Variants in NECTIN1 observed in about 807,000 individuals in gnomAD.
The protein encoded by NECTIN1 is nectin-1.
A neutral mutation model predicts 48.0 loss-of-function variants in NECTIN1; 23 were observed. That is an observed-to-expected ratio of 0.48 (90% confidence interval 0.34 to 0.68). The LOEUF is 0.68. NECTIN1 is among the 30% of genes least tolerant of loss of function. The pLI is 0.01. For synonymous variants in NECTIN1, 270 were observed against 288.9 expected (o/e 0.93, Z 0.66); for missense variants, 591 against 709.9 (o/e 0.83, Z 1.90).
rs1565376422 is a variant in NECTIN1 at position 119,648,280 on chromosome 11, G to GTGA, written c.1004-8269_1004-8268insTCA. ...GGTGGTAATAGTGGTGGTGGTGATG[G>GTGA]TGGTGGTGATGGTGGTGGTGGTGGT... is the stretch of plus-strand genomic sequence containing the variant. On this transcript the variant is annotated intron_variant, in intron 5 of 7. Transcript: ENST00000341398. Among the ~76,000 whole-genome samples, 30 of 43,758 alleles carry GTGA rather than the reference G, an allele frequency of 6.9e-4. 1 individual carries two copies. Among genetic ancestry groups the GTGA allele is most frequent in the African/African-American group, 2.6e-3 (29 of 10,962 alleles). 28.7% of individuals were successfully genotyped at this position (43,758 alleles called of 152,430 possible).
chr11:119,667,944 A>G (rs964604440), intron 5 of NECTIN1, among the ~76,000 whole-genome samples: 2 of 152,198 alleles, frequency 1.3e-5, no homozygotes, highest in African/African-American at 4.8e-5. Context: ...GGGGGTCGAG[A>G]TGTTGGCTTA....
At chr11:119,711,604 GA>G (rs1865647643) in intron 1 of NECTIN1, among the ~76,000 whole-genome samples, 1 of 152,068 alleles carries the variant, frequency 6.6e-6, no homozygotes, top group Non-Finnish European at 1.5e-5. Flanking sequence ...AAACAACACA[GA>G]AGGGGAAGGG....
intron 1 of NECTIN1, among the ~76,000 whole-genome samples, chr11:119,693,943 C>A (rs1473162753): frequency 2.0e-5 from 3 of 152,144 alleles, no homozygotes; most frequent in Non-Finnish European, 4.4e-5. Flanking sequence ...CCTACCACTG[C>A]TAATTAGATT....
At chr11:119,646,321 G>A (rs1313076286) in intron 5 of NECTIN1, among the ~76,000 whole-genome samples, 2 of 152,206 alleles carry the variant, frequency 1.3e-5, no homozygotes, top group East Asian at 3.9e-4. Flanking sequence ...GATGTAAAGT[G>A]CTTAGTACAG....
intron 1 of NECTIN1, among the ~76,000 whole-genome samples, chr11:119,696,201 C>T (rs768607449): frequency 4.6e-5 from 7 of 152,166 alleles, no homozygotes; most frequent in Non-Finnish European, 1.0e-4. Flanking sequence ...GCCTCAGCTT[C>T]CCAAAGTGTT....
chr11:119,701,824 G>C (rs1865458375), intron 1 of NECTIN1, among the ~76,000 whole-genome samples: 1 of 152,162 alleles, frequency 6.6e-6, no homozygotes, highest in Non-Finnish European at 1.5e-5. Context: ...TCATTCTCAA[G>C]ACAGGGGCAG....
At chr11:119,647,248 T>G (rs948457616) in intron 5 of NECTIN1, among the ~76,000 whole-genome samples, 1 of 144,420 alleles carries the variant, frequency 6.9e-6, no homozygotes, top group Admixed American at 7.2e-5. Flanking sequence ...TGGAAAGGGT[T>G]GAGGATTGTC....
chr11:119,664,188 C>A lies in NECTIN1; in HGVS notation c.*559G>T. On this transcript the variant is annotated 3_prime_UTR_variant, in exon 6 of 6. Coordinates refer to ENST00000264025, the MANE Select transcript of NECTIN1 (RefSeq NM_002855.5). ...CCCTGGGAACTGGGGAGAAGCCGCA[C>A]CCCTCCCCCTACCTCTTGGGCGCAC... is the stretch of plus-strand genomic sequence containing the variant. 1 of 986,842 alleles carries A rather than the reference C, an allele frequency of 1.0e-6. No homozygotes were observed. The highest frequency in any genetic ancestry group is 1.2e-6 in the Non-Finnish European group (1 of 830,722). 61.1% of individuals were successfully genotyped at this position (986,842 alleles called of 1,614,324 possible).
Position 119,677,565 on chromosome 11 carries a change from G to C in NECTIN1, c.723C>G (p.Leu241=). 1 of 1,612,652 alleles carries C rather than the reference G, an allele frequency of 6.2e-7. No homozygotes were observed. Among genetic ancestry groups the C allele is most frequent in the Non-Finnish European group, 8.5e-7 (1 of 1,180,024 alleles). Residue 241 remains leucine (L), a synonymous_variant, in exon 3 of 6, where the codon CTC becomes CTG. Transcript: ENST00000264025. This position sits in a 1 kb window ranked among gnomAD's most constrained non-coding sequence, Gnocchi z 5.4. ...HMDRFKESLT[L]NVQYEPEVTI... The stretch of plus-strand genomic sequence containing the variant: ...GCCAGCCCTGCTCACACTGCACGTT[G>C]AGAGTGAGGCTTTCCTTGAAGCGGT...
intron 1 of NECTIN1, among the ~76,000 whole-genome samples, chr11:119,694,609 A>G (rs572030321): frequency 1.8e-4 from 27 of 152,258 alleles, no homozygotes; most frequent in African/African-American, 6.0e-4. Flanking sequence ...GCCTGAAGTG[A>G]TGTGGGCTGA....
In NECTIN1 at chr11:119,708,511, C is replaced by T. The variant is rs1052580872; in HGVS notation, c.79+19964G>A. On this transcript the variant is annotated intron_variant, in intron 1 of 5. Transcript: ENST00000264025. ...ACATGGAATGCTAAGTAGAAGATGT[C>T]AGTCACAAAAGGCCACATACTGTAT... is the stretch of plus-strand genomic sequence containing the variant. Among the ~76,000 whole-genome samples, 3 of 150,202 alleles carry T rather than the reference C, an allele frequency of 2.0e-5. No homozygotes were observed. The Admixed American group carries it at 2.0e-4, about 10-fold the overall frequency.
intron 5 of NECTIN1, among the ~76,000 whole-genome samples, chr11:119,666,435 T>G (rs540380629): frequency 1.6e-4 from 25 of 152,362 alleles, no homozygotes; most frequent in African/African-American, 6.0e-4. Context: ...GCCACAGTAC[T>G]GTTCTTTGGC....
chr11:119,690,197 C>T (rs1023700932), intron 1 of NECTIN1, among the ~76,000 whole-genome samples: 3 of 152,286 alleles, frequency 2.0e-5, no homozygotes, highest in South Asian at 2.1e-4. Context: ...TTCCTCGCAG[C>T]CCCTCCTTGG....
intron 5 of NECTIN1, among the ~76,000 whole-genome samples, chr11:119,671,389 T>A (rs1309462959): frequency 1.3e-5 from 2 of 152,038 alleles, no homozygotes; most frequent in Non-Finnish European, 2.9e-5. Flanking sequence ...GGTTGTAACC[T>A]CTCTTCTGGG....
In NECTIN1 at chr11:119,677,345, G is replaced by T; in HGVS notation, c.734-126C>A. 9.9e-7 allele frequency: 1 copy of T among 1,010,246 alleles called. No individual in the cohort carries two copies. Among genetic ancestry groups the T allele is most frequent in the Non-Finnish European group, 1.6e-6 (1 of 643,636 alleles). The allele number at this position is 1,010,246 out of a possible 1,614,324, so 62.6% of individuals were successfully genotyped here. A position where few individuals can be genotyped will look rare whatever the true frequency, so the allele number is the denominator to read the frequency against. Reference sequence around the variant, plus strand: ...AACAGCCAGGAGAGAGGGAAGTGTGGGTGGGAGGGTGGCAATCACAGAGCC... The same window carrying T: ...AACAGCCAGGAGAGAGGGAAGTGTGTGTGGGAGGGTGGCAATCACAGAGCC... On this transcript the variant is annotated intron_variant, in intron 3 of 5. Coordinates refer to ENST00000264025, the MANE Select transcript of NECTIN1 (RefSeq NM_002855.5). This position sits in a 1 kb window ranked among gnomAD's most constrained non-coding sequence, Gnocchi z 5.4.
chr11:119,661,164 C>T lies in NECTIN1; in HGVS notation c.*3583G>A, dbSNP rs758057483. The T allele has an allele frequency of 1.2e-5, 12 of 985,662 alleles. No individual in the cohort carries two copies. Among genetic ancestry groups the T allele is most frequent in the African/African-American group, 1.7e-5 (1 of 57,222 alleles). 61.1% of individuals were successfully genotyped at this position (985,662 alleles called of 1,614,324 possible). A position where few individuals can be genotyped will look rare whatever the true frequency, so the allele number is the denominator to read the frequency against. Reference sequence around the variant, plus strand: ...ACCAAAGGCGGAAAGGGCGACAAGACGCCGAAGCAAGGTAGCGCATCACGC... The same window carrying T: ...ACCAAAGGCGGAAAGGGCGACAAGATGCCGAAGCAAGGTAGCGCATCACGC... On this transcript the variant is annotated 3_prime_UTR_variant, in exon 6 of 6. Coordinates refer to ENST00000264025, the MANE Select transcript of NECTIN1 (RefSeq NM_002855.5).
At chr11:119,713,731 G>A in intron 1 of NECTIN1, 1 of 414,610 alleles carries the variant, frequency 2.4e-6, no homozygotes, top group Non-Finnish European at 4.8e-6. Flanking sequence ...GGGCAGTCAT[G>A]TCCTCTGGCC....
chr11:119,717,351 G>A (rs1384698521), intron 1 of NECTIN1, among the ~76,000 whole-genome samples: 2 of 152,240 alleles, frequency 1.3e-5, no homozygotes, highest in East Asian at 3.8e-4. Context: ...GCCGGCCCAG[G>A]ACACTGATGA....
At chr11:119,681,457 C>G (rs951954062) in intron 1 of NECTIN1, among the ~76,000 whole-genome samples, 1 of 152,212 alleles carries the variant, frequency 6.6e-6, no homozygotes, top group Non-Finnish European at 1.5e-5. Context: ...CCTCTCATCC[C>G]CTGAAGGTGT....
Sources: gnomAD v4.1 joint callset for allele counts (sites outside exome capture counted in the v4.1 genomes callset) on GRCh38, gnomAD v4.1.1 for gene constraint, Gnocchi (gnomAD v3.1) non-coding constraint, MANE v1.5 for transcripts, NCBI Gene and HGNC (gene_info 2026-07-23, HGNC 2026-07-21) for gene names.